CRIPT: variants seen among roughly 807,000 people sequenced by gnomAD.
CRIPT encodes CXXC repeat containing interactor of PDZ3 domain.
Under a neutral mutation model 16.6 loss-of-function variants are expected in CRIPT, and 20 were observed. The ratio of observed to expected loss-of-function variants is 1.20; its 90% CI spans 0.85 to 1.75. The LOEUF is 1.75. CRIPT is among the 40% of genes most tolerant of loss of function. CRIPT has a pLI of 0.00. For synonymous variants in CRIPT, 42 were observed against 37.0 expected, an observed-to-expected ratio of 1.14 and a Z score of -0.49; for missense variants, 133 against 115.3, an observed-to-expected ratio of 1.15 and a Z score of -0.70.
intron 4 of CRIPT, 93 bp from the exon 5 acceptor site, chr2:46,624,070 A>T (rs1670876958): frequency 1.5e-6 from 1 of 655,022 alleles, no homozygotes; most frequent in African/African-American, 1.9e-5. Flanking sequence ...TTCTTTCCTG[A>T]TGCTGTTAAA....
Position 46,619,690 on chromosome 2 carries a change from G to C in CRIPT, c.137+9G>C, listed in dbSNP as rs944838687. On this transcript the variant is annotated intron_variant, in intron 3 of 4. Transcript: ENST00000238892. ...ACTTCAAAAAAAGCAAGGTGGGTAAGAGGATCCATCGATGGGTCACATAAA... is the reference window on the plus strand; with the variant it reads ...ACTTCAAAAAAAGCAAGGTGGGTAACAGGATCCATCGATGGGTCACATAAA... 8 of 1,607,228 alleles carry C rather than the reference G, an allele frequency of 5.0e-6. No individual in the cohort carries two copies. Among genetic ancestry groups the C allele is most frequent in the Non-Finnish European group, 6.8e-6 (8 of 1,175,664 alleles).
chr2:46,619,505 A>G (rs994263606), intron 2 of CRIPT, 122 bp from the exon 3 acceptor site: 9 of 591,746 alleles, frequency 1.5e-5, no homozygotes, highest in Non-Finnish European at 2.6e-5. Context: ...AACCTATTAA[A>G]TGAGGATTTA....
At chr2:46,621,382 G>A (rs1271184880) in intron 3 of CRIPT, among the ~76,000 whole-genome samples, 1 of 152,134 alleles carries the variant, frequency 6.6e-6, no homozygotes, top group East Asian at 1.9e-4. Flanking sequence ...GGAGTCTTCC[G>A]TTAGAGCTTA....
rs986019609 is a variant in CRIPT, at chr2:46,628,254, G to A, written c.*4027G>A. Among the ~76,000 whole-genome samples, 2 of 151,948 alleles carry A rather than the reference G, an allele frequency of 1.3e-5. No individual in the cohort carries two copies. Among genetic ancestry groups the A allele is most frequent in the African/African-American group, 4.8e-5 (2 of 41,360 alleles). On this transcript the variant is annotated 3_prime_UTR_variant, in exon 5 of 5. Transcript: ENST00000238892. ...GCCTCCCAAATAGCTGGGATTACAG[G>A]AGCCCGCCAACCATGCCCAGCTAAT...
At chr2:46,617,392 C>A in intron 1 of CRIPT, 94 bp downstream of exon 1, 1 of 1,375,120 alleles carries the variant, frequency 7.3e-7, no homozygotes, top group Non-Finnish European at 1.0e-6. Flanking sequence ...TTTTTCTTCG[C>A]CCACAGGTCT....
chr2:46,625,095 C>T lies in CRIPT; in HGVS notation c.*868C>T, dbSNP rs1185414176. On this transcript the variant is annotated 3_prime_UTR_variant, in exon 5 of 5. Transcript: ENST00000238892. ...TGTTTTTTTTTTTTTTTTTTGGATA[C>T]AAGAGCTCACTCTGTTGCCCAGGGT... is the stretch of plus-strand genomic sequence containing the variant. The T allele has an allele frequency of 3.5e-5, 4 of 114,148 alleles. No individual in the cohort carries two copies. Among genetic ancestry groups the T allele is most frequent in the Non-Finnish European group, 6.7e-5 (4 of 59,928 alleles). The allele number at this position is 114,148 out of a possible 1,614,324, so 7.1% of individuals were successfully genotyped here.
rs948474127 is a variant in CRIPT, at chr2:46,624,735, C to G, written c.*508C>G. ...TGGTTCTTTAGTTATTAACCTAGAC[C>G]CAAATCAAAGACCAGTTGGATTTAT... On this transcript the variant is annotated 3_prime_UTR_variant, in exon 5 of 5. Coordinates refer to ENST00000238892, the MANE Select transcript of CRIPT (RefSeq NM_014171.6). 1 of 152,078 alleles carries G rather than the reference C, an allele frequency of 6.6e-6. No homozygotes were observed. Among genetic ancestry groups the G allele is most frequent in the Admixed American group, 6.6e-5 (1 of 15,244 alleles). 9.4% of individuals were successfully genotyped at this position (152,078 alleles called of 1,614,324 possible). A position where few individuals can be genotyped will look rare whatever the true frequency, so the allele number is the denominator to read the frequency against.
rs11555853 is a variant in CRIPT at position 46,624,373 on chromosome 2, T to C, written c.*146T>C. 3 of 434,232 alleles carry C rather than the reference T, an allele frequency of 6.9e-6. No homozygotes were observed. In the East Asian group the frequency reaches 1.1e-4, roughly 16 times the overall value. The allele number at this position is 434,232 out of a possible 1,614,324, so 26.9% of individuals were successfully genotyped here. On this transcript the variant is annotated 3_prime_UTR_variant, in exon 5 of 5. Transcript: ENST00000238892. ...TTGATTGTTACTCATTTTGCTCTCA[T>C]GTTCTAAACAGCAACAGTGTAACTA...
At position 46,617,242 on chromosome 2, in the gene CRIPT, T is replaced by C. The variant is rs1410177524; in HGVS notation, c.-41T>C. The C allele has an allele frequency of 1.3e-6, 2 of 1,553,002 alleles. No individual in the cohort carries two copies. Among genetic ancestry groups the C allele is most frequent in the Non-Finnish European group, 1.7e-6 (2 of 1,147,482 alleles). ...AGTGTTGTTGTTTTCAGCCTGCTGC[T>C]GCTGCTGCTGTTGCGGCTAGGGGAA... On this transcript the variant is annotated 5_prime_UTR_variant, in exon 1 of 5. Coordinates refer to ENST00000238892, the MANE Select transcript of CRIPT (RefSeq NM_014171.6).
chr2:46,621,448 C>T lies in CRIPT; in HGVS notation c.137+1767C>T, dbSNP rs1214637257. On this transcript the variant is annotated intron_variant, in intron 3 of 4. Transcript: ENST00000238892. ...TCAGCTTCAGAGAAGTTTCCCTAATCAGCATCTAAACTAATCTCTTCTTTC... is the reference window on the plus strand; with the variant it reads ...TCAGCTTCAGAGAAGTTTCCCTAATTAGCATCTAAACTAATCTCTTCTTTC... Among the ~76,000 whole-genome samples the T allele has an allele frequency of 2.0e-5, 3 of 152,228 alleles. No individual in the cohort carries two copies. In the East Asian group the frequency reaches 5.8e-4, roughly 29 times the overall value.
At position 46,626,609 on chromosome 2, in the gene CRIPT, C is replaced by T. The variant is rs1670944562; in HGVS notation, c.*2382C>T. Among the ~76,000 whole-genome samples, 1 of 152,168 alleles carries T rather than the reference C, an allele frequency of 6.6e-6. No homozygotes were observed. The highest frequency in any genetic ancestry group is 2.4e-5 in the African/African-American group (1 of 41,424). Reference sequence around the variant, plus strand: ...ACAGTGTTGAAGCATTCCGTTTTTCCCACAGCCTCACCAGCATCTGTTATT... The same window carrying T: ...ACAGTGTTGAAGCATTCCGTTTTTCTCACAGCCTCACCAGCATCTGTTATT... On this transcript the variant is annotated 3_prime_UTR_variant, in exon 5 of 5. Transcript: ENST00000238892.
At chr2:46,620,351 G>A (rs928914182) in intron 3 of CRIPT, among the ~76,000 whole-genome samples, 2 of 152,132 alleles carry the variant, frequency 1.3e-5, no homozygotes, top group African/African-American at 4.8e-5. Context: ...GGAGGCAGAC[G>A]TGGGAGGATC....
At position 46,628,337 on chromosome 2, in the gene CRIPT, C is replaced by A. The variant is rs560631077; in HGVS notation, c.*4110C>A. 3.3e-5 allele frequency among the ~76,000 whole-genome samples: 5 copies of A among 151,996 alleles called. No individual in the cohort carries two copies. The highest frequency in any genetic ancestry group is 1.2e-4 in the African/African-American group (5 of 41,456). On this transcript the variant is annotated 3_prime_UTR_variant, in exon 5 of 5. Transcript: ENST00000238892. ...ATCTTAGCCAGGCTGGTCTTGAACT[C>A]CTGACGTTGTGATCCACCCGCCTCA... is the stretch of plus-strand genomic sequence containing the variant.
At chr2:46,622,751 T>C (rs1397621972) in intron 3 of CRIPT, among the ~76,000 whole-genome samples, 2 of 151,932 alleles carry the variant, frequency 1.3e-5, no homozygotes, top group Non-Finnish European at 2.9e-5. Flanking sequence ...AGGCAGAGGT[T>C]GCAGTAAGCC....
rs1434201434 is a variant in CRIPT, at chr2:46,618,803, C to A, written c.47C>A (p.Pro16Gln). Residue 16 changes from proline (P) to glutamine (Q), a missense_variant, in exon 2 of 5, where the codon CCA becomes CAA. Pro to Gln is a moderately conservative substitution (Grantham distance 76). Coordinates refer to ENST00000238892, the MANE Select transcript of CRIPT (RefSeq NM_014171.6). ...AAGAAACTTGGTACTGTTATCACTC[C>A]AGATACATGGAAAGATGGTGCTAGG... ...CEKKLGTVIT[P>Q]DTWKDGARNT... 3 of 1,607,000 alleles carry A rather than the reference C, an allele frequency of 1.9e-6. No individual in the cohort carries two copies. The highest frequency in any genetic ancestry group is 2.6e-6 in the Non-Finnish European group (3 of 1,176,102).
At chr2:46,619,332 T>A (rs1476903149) in intron 2 of CRIPT, among the ~76,000 whole-genome samples, 1 of 152,146 alleles carries the variant, frequency 6.6e-6, no homozygotes, top group Non-Finnish European at 1.5e-5. Context: ...ATATTCAAGG[T>A]CTATGACACT....
intron 3 of CRIPT, among the ~76,000 whole-genome samples, chr2:46,620,739 T>C (rs112106164): frequency 5.4e-5 from 8 of 148,014 alleles, no homozygotes; most frequent in Admixed American, 1.4e-4. Context: ...AATATTATTA[T>C]ATATATATAA....
At position 46,618,771 on chromosome 2, in the gene CRIPT, AG is replaced by A; in HGVS notation, c.17del. 1.9e-6 allele frequency: 3 copies of A among 1,592,762 alleles called. No individual in the cohort carries two copies. Among genetic ancestry groups the A allele is most frequent in the Non-Finnish European group, 2.6e-6 (3 of 1,164,638 alleles). ...TTTCCTTTTACTATCTTGTTCTAAC[AG>A]GTGAAAAGAAACTTGGTACTGTTAT... On this transcript the variant is annotated splice_acceptor_variant, in intron 1 of 4. Transcript: ENST00000238892. LOFTEE classifies it high-confidence loss of function.
At position 46,629,811 on chromosome 2, in the gene CRIPT, A is replaced by C. The variant is rs990939218; in HGVS notation, c.*5584A>C. ...TTTTGCAATTAGTGGGTAATTTGTG[A>C]GGAGAAACTTTGAGACCTTGTTGAC... On this transcript the variant is annotated 3_prime_UTR_variant, in exon 5 of 5. Transcript: ENST00000238892. 6.6e-6 allele frequency among the ~76,000 whole-genome samples: 1 copy of C among 152,148 alleles called. No homozygotes were observed. Among genetic ancestry groups the C allele is most frequent in the African/African-American group, 2.4e-5 (1 of 41,414 alleles).
Sources: allele counts gnomAD v4.1 joint callset (sites outside exome capture counted in the v4.1 genomes callset), GRCh38; gene constraint gnomAD v4.1.1; transcripts MANE v1.5; gene names NCBI Gene and HGNC (gene_info 2026-07-23, HGNC 2026-07-21).